KCNB2: variants seen among roughly 807,000 people sequenced by gnomAD.
KCNB2 encodes potassium voltage-gated channel subfamily B member 2.
In KCNB2, 15 loss-of-function variants were observed where a neutral mutation model predicts 61.5. The ratio of observed to expected loss-of-function variants is 0.24; its 90% confidence interval spans 0.16 to 0.38. The LOEUF (loss-of-function observed/expected upper bound fraction) is 0.38, where lower values mean the gene tolerates loss of function less well. KCNB2 is among the 10% of genes least tolerant of loss of function. The probability of loss-of-function intolerance (pLI) is 1.00; values close to 1 mark genes in which losing one functional copy is unlikely to be tolerated. For missense variants in KCNB2, 828 were observed against 1,125.2 expected (o/e 0.74, Z 3.78); for synonymous variants, 457 against 446.0 (o/e 1.02, Z -0.31).
intron 2 of KCNB2, among the ~76,000 whole-genome samples, chr8:72,904,957 A>T (rs1453088339): frequency 6.6e-6 from 1 of 152,074 alleles, no homozygotes; most frequent in Non-Finnish European, 1.5e-5. Flanking sequence ...GTATTGGGTG[A>T]TGTATAGCTG....
At position 72,936,534 on chromosome 8, in the gene KCNB2, A is replaced by T; in HGVS notation, c.1179A>T (p.Leu393=). Reference sequence around the variant, plus strand: ...GTGACATTTACCCTAAAACATTACTAGGGAAAATTGTGGGAGGTCTGTGCT... The same window carrying T: ...GTGACATTTACCCTAAAACATTACTTGGGAAAATTGTGGGAGGTCTGTGCT... ...GYGDIYPKTL[L]GKIVGGLCCI... Residue 393 remains leucine (L), a synonymous_variant, in exon 3 of 3, where the codon CTA becomes CTT. Transcript: ENST00000523207. This position sits in a 1 kb window ranked among gnomAD's most constrained non-coding sequence, Gnocchi z 5.6. 1 of 1,614,182 alleles carries T rather than the reference A, an allele frequency of 6.2e-7. No homozygotes were observed. Among genetic ancestry groups the T allele is most frequent in the Admixed American group, 1.7e-5 (1 of 60,032 alleles).
chr8:72,813,413 C>A (rs1213415675), intron 2 of KCNB2, among the ~76,000 whole-genome samples: 1 of 151,434 alleles, frequency 6.6e-6, no homozygotes, highest in African/African-American at 2.4e-5. Flanking sequence ...AAGTTTACAC[C>A]CAAAAAAAAT....
intron 2 of KCNB2, among the ~76,000 whole-genome samples, chr8:72,713,967 G>A: frequency 6.6e-6 from 1 of 152,208 alleles, no homozygotes; most frequent in Non-Finnish European, 1.5e-5. Context: ...GTCCTTCAAG[G>A]ACCTGATGGA....
At position 72,927,421 on chromosome 8, in the gene KCNB2, C is replaced by A. The variant is rs574922762; in HGVS notation, c.580-8514C>A. ...GAGTAGTTGGGATTACAGGCACATG[C>A]CACAATGCCTGGCTAATTTTTGTAT... On this transcript the variant is annotated intron_variant, in intron 2 of 2. Coordinates refer to ENST00000523207, the MANE Select transcript of KCNB2 (RefSeq NM_004770.3). Among the ~76,000 whole-genome samples, 4 of 152,210 alleles carry A rather than the reference C, an allele frequency of 2.6e-5. No individual in the cohort carries two copies. In the East Asian group the frequency reaches 7.7e-4, roughly 29 times the overall value.
chr8:72,663,412 A>G (rs1806412070), intron 2 of KCNB2, among the ~76,000 whole-genome samples: 1 of 152,102 alleles, frequency 6.6e-6, no homozygotes, highest in South Asian at 2.1e-4. Context: ...TTAAAAATCT[A>G]CTTAATTCTT....
intron 2 of KCNB2, among the ~76,000 whole-genome samples, chr8:72,747,924 A>G (rs981903812): frequency 1.3e-5 from 2 of 152,202 alleles, no homozygotes; most frequent in African/African-American, 4.8e-5. Flanking sequence ...ACTCAGTCAA[A>G]TAAAGCAACT....
At chr8:72,805,175 A>G (rs190126288) in intron 2 of KCNB2, among the ~76,000 whole-genome samples, 192 of 152,154 alleles carry the variant, frequency 1.3e-3, no homozygotes, top group African/African-American at 4.2e-3. Context: ...ACACACTGTT[A>G]TCATTGCCAT....
intron 1 of KCNB2, among the ~76,000 whole-genome samples, chr8:72,556,577 C>T (rs1806429179): frequency 6.6e-6 from 1 of 152,012 alleles, no homozygotes; most frequent in Non-Finnish European, 1.5e-5. Flanking sequence ...GAAATAATAT[C>T]TAATAATGAA....
intron 2 of KCNB2, among the ~76,000 whole-genome samples, chr8:72,897,180 T>C (rs1393063448): frequency 6.6e-6 from 1 of 152,096 alleles, no homozygotes; most frequent in Non-Finnish European, 1.5e-5. Context: ...TCTAATCCCT[T>C]ACACCTAGAA....
intron 2 of KCNB2, among the ~76,000 whole-genome samples, chr8:72,787,646 G>A (rs1157033062): frequency 6.6e-6 from 1 of 152,024 alleles, no homozygotes; most frequent in African/African-American, 2.4e-5. Context: ...GATTGGAAAT[G>A]GTAGATTTCA....
intron 2 of KCNB2, among the ~76,000 whole-genome samples, chr8:72,731,201 G>A (rs538347348): frequency 3.3e-5 from 5 of 152,176 alleles, no homozygotes; most frequent in East Asian, 1.9e-4. Context: ...CATCGTACAT[G>A]TATTATCCTA....
At chr8:72,705,579 G>C (rs565992515) in intron 2 of KCNB2, among the ~76,000 whole-genome samples, 1 of 152,346 alleles carries the variant, frequency 6.6e-6, no homozygotes, top group Admixed American at 6.5e-5. Context: ...ATGGAAGTGA[G>C]GGAGGTGTTT....
chr8:72,543,508 A>G (rs1346621703), intron 1 of KCNB2, among the ~76,000 whole-genome samples: 3 of 152,204 alleles, frequency 2.0e-5, no homozygotes, highest in Non-Finnish European at 4.4e-5. Flanking sequence ...TTGCAAACAG[A>G]TGTGGGTGTA....
chr8:72,821,172 T>C (rs1485896589), intron 2 of KCNB2, among the ~76,000 whole-genome samples: 1 of 152,190 alleles, frequency 6.6e-6, no homozygotes, highest in Non-Finnish European at 1.5e-5. Context: ...TTTCTTTTGC[T>C]CCTAACCTTT....
intron 2 of KCNB2, among the ~76,000 whole-genome samples, chr8:72,607,689 CTA>C (rs1283530898): frequency 2.0e-5 from 3 of 152,070 alleles, no homozygotes; most frequent in African/African-American, 7.2e-5. Context: ...AAATTCTCCT[CTA>C]GTCTCTAAAA....
chr8:72,813,061 G>A (rs1809331770), intron 2 of KCNB2, among the ~76,000 whole-genome samples: 1 of 152,168 alleles, frequency 6.6e-6, no homozygotes, highest in Non-Finnish European at 1.5e-5. Flanking sequence ...ACAGAGATGA[G>A]TGAGGGATGG....
chr8:72,593,920 GA>G (rs1056035021), intron 2 of KCNB2, among the ~76,000 whole-genome samples: 4 of 151,998 alleles, frequency 2.6e-5, no homozygotes, highest in African/African-American at 9.7e-5. Context: ...CAGATGGAAA[GA>G]AAAAGAAAAT....
intron 2 of KCNB2, among the ~76,000 whole-genome samples, chr8:72,812,401 G>T (rs1809322540): frequency 6.6e-6 from 1 of 151,794 alleles, no homozygotes; most frequent in Non-Finnish European, 1.5e-5. Flanking sequence ...GTCTAATTTT[G>T]TTAAATATTA....
intron 1 of KCNB2, among the ~76,000 whole-genome samples, chr8:72,554,115 A>G (rs1433303541): frequency 1.3e-5 from 2 of 152,114 alleles, no homozygotes; most frequent in Non-Finnish European, 2.9e-5. Flanking sequence ...TTAAATACAT[A>G]TTCAAGTCCA....
Sources: allele counts gnomAD v4.1 joint callset (sites outside exome capture counted in the v4.1 genomes callset), GRCh38; gene constraint gnomAD v4.1.1; non-coding constraint Gnocchi (gnomAD v3.1); transcripts MANE v1.5; gene names NCBI Gene and HGNC (gene_info 2026-07-23, HGNC 2026-07-21).